The following ADAMTSL1 variants were observed in gnomAD, a reference collection of about 807,000 sequenced individuals.
ADAMTSL1 encodes ADAMTS like 1.
Under a neutral mutation model 201.8 loss-of-function variants are expected in ADAMTSL1, and 126 were observed. The observed-to-expected ratio is 0.62, with a 90% CI of 0.54 to 0.72. ADAMTSL1 has a LOEUF of 0.72. ADAMTSL1 is among the 30% of genes least tolerant of loss of function. ADAMTSL1 has a pLI of 0.00. For missense variants in ADAMTSL1, 2,679 were observed against 2,277.8 expected, an observed-to-expected ratio of 1.18 and a Z score of -3.59; for synonymous variants, 1,121 against 903.4, an observed-to-expected ratio of 1.24 and a Z score of -4.32.
At chr9:18,029,589 C>A (rs1363617668) in intron 1 of ADAMTSL1, among the ~76,000 whole-genome samples, 2 of 152,066 alleles carry the variant, frequency 1.3e-5, no homozygotes, top group Non-Finnish European at 2.9e-5. Context: ...GCAAAAGAAA[C>A]TACCATCAGA....
intron 3 of ADAMTSL1, among the ~76,000 whole-genome samples, chr9:18,547,308 T>G (rs1036689053): frequency 1.3e-5 from 2 of 151,980 alleles, no homozygotes; most frequent in African/African-American, 4.8e-5. Context: ...TCTTAATATC[T>G]ATTCATCCTC....
chr9:18,690,107 A>C (rs1831122339), intron 13 of ADAMTSL1, among the ~76,000 whole-genome samples: 1 of 152,218 alleles, frequency 6.6e-6, no homozygotes, highest in South Asian at 2.1e-4. Context: ...GCAAAGGGAA[A>C]TTCCTGTCAT....
At chr9:18,834,609 T>C (rs1825197613) in intron 23 of ADAMTSL1, among the ~76,000 whole-genome samples, 1 of 152,152 alleles carries the variant, frequency 6.6e-6, no homozygotes, top group Non-Finnish European at 1.5e-5. Context: ...CATATCCCTT[T>C]GTAATTGTTC....
At position 18,752,039 on chromosome 9, in the gene ADAMTSL1, C is replaced by G. The variant is rs1277658158; in HGVS notation, c.2007-1259C>G. On this transcript the variant is annotated intron_variant, in intron 15 of 28. Coordinates refer to ENST00000380548, the MANE Select transcript of ADAMTSL1 (RefSeq NM_001040272.6). ...CCGGGAGGCGGAGCTTGCAGTGAGC[C>G]GAGATCCCGCCACTGCACTCCAGCC... is the stretch of plus-strand genomic sequence containing the variant. Among the ~76,000 whole-genome samples the G allele has an allele frequency of 1.7e-3, 4 of 2,418 alleles. 2 individuals are homozygous for G. Among genetic ancestry groups the G allele is most frequent in the Non-Finnish European group, 3.9e-3 (4 of 1,036 alleles). 1.6% of individuals were successfully genotyped at this position (2,418 alleles called of 152,430 possible).
intron 4 of ADAMTSL1, among the ~76,000 whole-genome samples, chr9:18,588,677 A>G (rs1180903667): frequency 6.6e-6 from 1 of 151,614 alleles, no homozygotes; most frequent in Non-Finnish European, 1.5e-5. Context: ...CTGCATATTG[A>G]TATCCAGTTT....
At chr9:18,578,798 C>A (rs2132396173) in intron 4 of ADAMTSL1, among the ~76,000 whole-genome samples, 1 of 151,194 alleles carries the variant, frequency 6.6e-6, no homozygotes, top group Middle Eastern at 3.4e-3. Context: ...CCTGAGGAAT[C>A]GCCACACTGA....
At chr9:17,998,286 A>G (rs540995739) in intron 1 of ADAMTSL1, among the ~76,000 whole-genome samples, 3 of 152,246 alleles carry the variant, frequency 2.0e-5, no homozygotes, top group South Asian at 2.1e-4. Flanking sequence ...CACAGCACTC[A>G]GAAACATAGT....
intron 1 of ADAMTSL1, among the ~76,000 whole-genome samples, chr9:18,001,664 A>G (rs1236951178): frequency 6.6e-6 from 1 of 151,956 alleles, no homozygotes; most frequent in African/African-American, 2.4e-5. Context: ...AGGAAGAGAG[A>G]ATAGACAGGG....
chr9:18,018,624 G>A (rs1308588043), intron 1 of ADAMTSL1, among the ~76,000 whole-genome samples: 1 of 152,012 alleles, frequency 6.6e-6, no homozygotes. Context: ...GAATCCTACT[G>A]ATAAACCCCA....
intron 23 of ADAMTSL1, among the ~76,000 whole-genome samples, chr9:18,871,663 A>G (rs2131464637): frequency 6.6e-6 from 1 of 152,294 alleles, no homozygotes; most frequent in East Asian, 1.9e-4. Context: ...GTGATAAGGA[A>G]GAGCTTCTCT....
At chr9:18,864,979 A>T (rs1213653574) in intron 23 of ADAMTSL1, among the ~76,000 whole-genome samples, 1 of 152,212 alleles carries the variant, frequency 6.6e-6, no homozygotes, top group Admixed American at 6.5e-5. Flanking sequence ...GATTAAAAAA[A>T]AATCAATCAC....
At position 18,826,446 on chromosome 9, in the gene ADAMTSL1, C is replaced by T; in HGVS notation, c.4097C>T (p.Thr1366Ile). Residue 1366 changes from threonine (T) to isoleucine (I), a missense_variant, in exon 22 of 29, where the codon ACC (threonine) becomes ATC (isoleucine). Coordinates refer to ENST00000380548, the MANE Select transcript of ADAMTSL1 (RefSeq NM_001040272.6). ...ANLHGELTES[T>I]QLLILDPPQV... ...CTTCATGGAGAGCTGACTGAGAGCA[C>T]CCAGCTGCTGATCCTAGGTAAACAC... 6.2e-7 allele frequency: 1 copy of T among 1,613,406 alleles called. No homozygotes were observed. The highest frequency in any genetic ancestry group is 8.5e-7 in the Non-Finnish European group (1 of 1,179,688).
chr9:18,386,987 C>G (rs1837820806), intron 2 of ADAMTSL1, among the ~76,000 whole-genome samples: 1 of 151,926 alleles, frequency 6.6e-6, no homozygotes, highest in South Asian at 2.1e-4. Flanking sequence ...CAGTACATAC[C>G]AAAGGTCTTA....
chr9:18,816,168 AC>A (rs1416090895), intron 20 of ADAMTSL1, among the ~76,000 whole-genome samples: 1 of 152,218 alleles, frequency 6.6e-6, no homozygotes, highest in African/African-American at 2.4e-5. Context: ...GTCTCTGTTA[AC>A]CACTATGCTA....
intron 2 of ADAMTSL1, among the ~76,000 whole-genome samples, chr9:18,198,836 A>G (rs1829300766): frequency 6.9e-6 from 1 of 144,600 alleles, no homozygotes; most frequent in African/African-American, 2.6e-5. Context: ...ATTATTCACA[A>G]CAGCAAAGAC....
At chr9:18,478,489 T>C (rs1811134860) in intron 1 of ADAMTSL1, among the ~76,000 whole-genome samples, 1 of 152,070 alleles carries the variant, frequency 6.6e-6, no homozygotes, top group Admixed American at 6.6e-5. Context: ...TATCGAAGGG[T>C]TCTTTAATTC....
intron 2 of ADAMTSL1, among the ~76,000 whole-genome samples, chr9:18,260,719 G>T (rs1020459522): frequency 6.6e-6 from 1 of 152,162 alleles, no homozygotes; most frequent in Non-Finnish European, 1.5e-5. Context: ...CCATCTGCCA[G>T]TGTGGTCCCT....
intron 2 of ADAMTSL1, among the ~76,000 whole-genome samples, chr9:18,227,191 T>G (rs916143567): frequency 6.6e-6 from 1 of 152,178 alleles, no homozygotes; most frequent in Non-Finnish European, 1.5e-5. Context: ...ATCCCTCATC[T>G]GTACTATATC....
intron 2 of ADAMTSL1, among the ~76,000 whole-genome samples, chr9:18,390,204 A>T (rs1443970404): frequency 6.6e-6 from 1 of 152,270 alleles, no homozygotes; most frequent in African/African-American, 2.4e-5. Flanking sequence ...TACTTACGAG[A>T]TTCGTAGTGT....
Sources: allele counts gnomAD v4.1 joint callset (sites outside exome capture counted in the v4.1 genomes callset), GRCh38; gene constraint gnomAD v4.1.1; transcripts MANE v1.5; gene names NCBI Gene and HGNC (gene_info 2026-07-23, HGNC 2026-07-21).